DGKB: variants seen among roughly 807,000 people sequenced by gnomAD.
DGKB encodes 90 kDa diacylglycerol kinase.
DGKB carries 67 observed loss-of-function variants against 114.3 expected under a neutral mutation model. The ratio of observed to expected loss-of-function variants is 0.59; its 90% CI spans 0.48 to 0.72. DGKB has a LOEUF of 0.72. Ranked by LOEUF, DGKB falls within the 30% of genes least tolerant of loss-of-function variation. The pLI is 0.00. For synonymous variants in DGKB, 398 were observed against 323.1 expected (o/e 1.23, Z -2.49); for missense variants, 907 against 975.2 (o/e 0.93, Z 0.93).
At chr7:14,555,484 A>C (rs1042092925) in intron 20 of DGKB, among the ~76,000 whole-genome samples, 1 of 152,174 alleles carries the variant, frequency 6.6e-6, no homozygotes, top group Admixed American at 6.5e-5. Context: ...GAATTCTCAG[A>C]ATCAAGGAAT....
intron 23 of DGKB, among the ~76,000 whole-genome samples, chr7:14,258,700 T>G (rs1012207873): frequency 1.3e-5 from 2 of 152,172 alleles, no homozygotes; most frequent in African/African-American, 4.8e-5. Flanking sequence ...ATCAAGTCTA[T>G]GTACAGCAGG....
intron 1 of DGKB, among the ~76,000 whole-genome samples, chr7:14,922,118 T>C (rs73058930): frequency 1.3e-5 from 2 of 150,302 alleles, no homozygotes; most frequent in African/African-American, 2.4e-5. Flanking sequence ...GGTAGAATTA[T>C]GTTCATAAAT....
chr7:14,695,091 A>C (rs1269040431), intron 8 of DGKB, among the ~76,000 whole-genome samples: 3 of 152,328 alleles, frequency 2.0e-5, no homozygotes, highest in Admixed American at 6.5e-5. Flanking sequence ...ATTGGAAAAG[A>C]TGCAATGCAT....
chr7:14,767,741 G>C (rs1028116184), intron 2 of DGKB, among the ~76,000 whole-genome samples: 3 of 151,866 alleles, frequency 2.0e-5, no homozygotes, highest in Non-Finnish European at 4.4e-5. Context: ...GACATTTTAT[G>C]TGTGTAAATC....
At chr7:14,786,288 T>C (rs1839887746) in intron 2 of DGKB, among the ~76,000 whole-genome samples, 1 of 152,194 alleles carries the variant, frequency 6.6e-6, no homozygotes, top group East Asian at 1.9e-4. Flanking sequence ...GTGTGCATGT[T>C]TGTGTGTGTG....
At chr7:14,493,406 T>A (rs1784856528) in intron 20 of DGKB, among the ~76,000 whole-genome samples, 1 of 152,050 alleles carries the variant, frequency 6.6e-6, no homozygotes, top group African/African-American at 2.4e-5. Flanking sequence ...CAATAACTAA[T>A]AATAAAATAG....
At chr7:14,340,398 G>T (rs1304428244) in intron 22 of DGKB, among the ~76,000 whole-genome samples, 1 of 151,362 alleles carries the variant, frequency 6.6e-6, no homozygotes, top group African/African-American at 2.4e-5. Context: ...TCTTCAAGTG[G>T]AATGTACTGG....
At chr7:14,374,787 T>C (rs1818222304) in intron 21 of DGKB, among the ~76,000 whole-genome samples, 2 of 152,156 alleles carry the variant, frequency 1.3e-5, no homozygotes, top group South Asian at 4.1e-4. Context: ...TCCTGTGCAT[T>C]GTAGGATGTT....
chr7:14,395,409 AATAG>A lies in DGKB; in HGVS notation c.1836-50022_1836-50019del, dbSNP rs151098068. Among the ~76,000 whole-genome samples the A allele has an allele frequency of 8.5e-5, 13 of 152,172 alleles. No individual in the cohort carries two copies. The East Asian group carries it at 2.1e-3, about 25-fold the overall frequency. On this transcript the variant is annotated intron_variant, in intron 21 of 25. Transcript: ENST00000402815. ...TATAATTTAGTAAATATACTTTTTA[AATAG>A]ATAAACCTGTTACACAATATTTTGA... is the stretch of plus-strand genomic sequence containing the variant.
At chr7:14,594,950 T>C (rs530181677) in intron 17 of DGKB, among the ~76,000 whole-genome samples, 1 of 152,220 alleles carries the variant, frequency 6.6e-6, no homozygotes, top group South Asian at 2.1e-4. Context: ...ATTCCAGAGA[T>C]TCAAAACAAG....
chr7:14,178,413 A>G lies in DGKB; in HGVS notation c.2123-262T>C, dbSNP rs895627774. 9.6e-4 allele frequency among the ~76,000 whole-genome samples: 65 copies of G among 67,376 alleles called. No homozygotes were observed. The African/African-American group carries it at 0.014, about 15-fold the overall frequency. 44.2% of individuals were successfully genotyped at this position (67,376 alleles called of 152,430 possible). A position where few individuals can be genotyped will look rare whatever the true frequency, so the allele number is the denominator to read the frequency against. ...CAGATTCTGAGCCAAATAATACCAAAAAAAAAAAAAAAAAACCCAGTAGTT... is the reference window on the plus strand; with the variant it reads ...CAGATTCTGAGCCAAATAATACCAAGAAAAAAAAAAAAAAACCCAGTAGTT... On this transcript the variant is annotated intron_variant, in intron 23 of 25. Transcript: ENST00000402815.
chr7:14,181,530 A>G (rs1414787978), intron 23 of DGKB, among the ~76,000 whole-genome samples: 1 of 152,222 alleles, frequency 6.6e-6, no homozygotes, highest in Non-Finnish European at 1.5e-5. Flanking sequence ...TTATTACAAA[A>G]GAAAGTAGAA....
intron 21 of DGKB, among the ~76,000 whole-genome samples, chr7:14,452,522 A>T (rs1310364794): frequency 1.3e-5 from 2 of 152,092 alleles, no homozygotes; most frequent in Non-Finnish European, 2.9e-5. Flanking sequence ...ACATTTGGAT[A>T]ACTACTCCTG....
At chr7:14,501,865 A>G (rs1218922819) in intron 20 of DGKB, among the ~76,000 whole-genome samples, 1 of 151,908 alleles carries the variant, frequency 6.6e-6, no homozygotes, top group African/African-American at 2.4e-5. Context: ...ACACTCAGGA[A>G]CCCCATCTAT....
At chr7:14,318,710 A>G (rs1281579068) in intron 23 of DGKB, among the ~76,000 whole-genome samples, 5 of 152,118 alleles carry the variant, frequency 3.3e-5, no homozygotes, top group African/African-American at 1.2e-4. Context: ...TAGTTCACCC[A>G]TTGTGGAAGT....
At chr7:14,886,381 G>A (rs761809975) in intron 1 of DGKB, among the ~76,000 whole-genome samples, 1 of 151,790 alleles carries the variant, frequency 6.6e-6, no homozygotes, top group Non-Finnish European at 1.5e-5. Context: ...AGTAGGAGAT[G>A]AGGACGGCTC....
chr7:14,240,550 G>C (rs952684423), intron 23 of DGKB, among the ~76,000 whole-genome samples: 2 of 152,054 alleles, frequency 1.3e-5, no homozygotes, highest in Non-Finnish European at 2.9e-5. Context: ...CATGGTGTAA[G>C]ATGACTCCTA....
At chr7:14,586,848 T>C (rs1800855195) in intron 17 of DGKB, among the ~76,000 whole-genome samples, 1 of 121,474 alleles carries the variant, frequency 8.2e-6, no homozygotes, top group South Asian at 2.7e-4. Flanking sequence ...GACTGAGACA[T>C]ATTTCTCAAA....
chr7:14,759,876 T>C (rs1361895560), intron 2 of DGKB, among the ~76,000 whole-genome samples: 1 of 152,194 alleles, frequency 6.6e-6, no homozygotes, highest in Admixed American at 6.5e-5. Context: ...CTCCCACCAG[T>C]AAGGTGTAAG....
Sources: gnomAD v4.1 joint callset for allele counts (sites outside exome capture counted in the v4.1 genomes callset) on GRCh38, gnomAD v4.1.1 for gene constraint, MANE v1.5 for transcripts, NCBI Gene and HGNC (gene_info 2026-07-23, HGNC 2026-07-21) for gene names.